TRIM5: variants seen among roughly 807,000 people sequenced by gnomAD.
The protein encoded by TRIM5 is tripartite motif containing 5, also known as tripartite motif-containing protein 5.
TRIM5 carries 31 observed loss-of-function variants against 35.6 expected under a neutral mutation model. That is an observed-to-expected ratio of 0.87 (90% CI 0.65 to 1.18). The LOEUF (loss-of-function observed/expected upper bound fraction) is 1.18. Among genes scored for constraint, TRIM5 ranks in the 50% most tolerant of loss-of-function variants. TRIM5 has a pLI of 0.00. For missense variants in TRIM5, 609 were observed against 591.6 expected (o/e 1.03, Z -0.31); for synonymous variants, 243 against 215.6 (o/e 1.13, Z -1.11).
At chr11:5,645,881 AT>A in the TRIM5 span, 948 of 92,680 alleles carry the variant, frequency 0.01, 11 homozygotes, top group African/African-American at 0.044. Context: ...AAAAAAAAAA[AT>A]ATATATATAT....
chr11:5,682,126 G>A (rs916456270), intron 1 of TRIM5, among the ~76,000 whole-genome samples: 2 of 152,066 alleles, frequency 1.3e-5, no homozygotes, highest in Non-Finnish European at 2.9e-5. Context: ...TTAACCAGAC[G>A]GGTGTGGTGG....
the TRIM5 span, chr11:5,603,185 T>C: frequency 3.2e-6 from 5 of 1,563,778 alleles, no homozygotes; most frequent in Non-Finnish European, 4.3e-6. Context: ...GGGCAGTCAG[T>C]ATTCCCTTAT....
chr11:5,643,396 A>C, the TRIM5 span: 1 of 1,614,146 alleles, frequency 6.2e-7, no homozygotes, highest in African/African-American at 1.3e-5. Flanking sequence ...GCAAATCGTC[A>C]AAATCTTTAC....
chr11:5,610,229 G>A, the TRIM5 span: 24 of 1,614,030 alleles, frequency 1.5e-5, no homozygotes, highest in Non-Finnish European at 1.8e-5. Context: ...TGAAAAGGAT[G>A]CTGCGAGTGT....
chr11:5,607,319 G>A, the TRIM5 span, among the ~76,000 whole-genome samples: 3 of 152,142 alleles, frequency 2.0e-5, no homozygotes, highest in Admixed American at 2.0e-4. Flanking sequence ...CAGTTCCTCA[G>A]TACAGCCACA....
chr11:5,683,474 A>C (rs1590292982), intron 1 of TRIM5, among the ~76,000 whole-genome samples: 1 of 151,962 alleles, frequency 6.6e-6, no homozygotes, highest in South Asian at 2.1e-4. Context: ...GCACCAATCG[A>C]CACTCTATAT....
At chr11:5,677,519 G>A (rs1362208124) in intron 4 of TRIM5, among the ~76,000 whole-genome samples, 1 of 152,212 alleles carries the variant, frequency 6.6e-6, no homozygotes, top group Non-Finnish European at 1.5e-5. Context: ...CTGTAAACTA[G>A]TTCAACCATT....
At chr11:5,658,663 A>C (rs1850710099), downstream of TRIM5, among the ~76,000 whole-genome samples, 1 of 152,142 alleles carries the variant, frequency 6.6e-6, no homozygotes, top group Non-Finnish European at 1.5e-5. Flanking sequence ...AAGGTTTCTA[A>C]TGTTGATCTA....
chr11:5,605,327 G>A, the TRIM5 span: 1 of 1,613,954 alleles, frequency 6.2e-7, no homozygotes, highest in Non-Finnish European at 8.5e-7. Context: ...TTTCTTCCCT[G>A]TTCCTGAAGA....
chr11:5,592,372 T>C, the TRIM5 span, among the ~76,000 whole-genome samples: 1 of 152,156 alleles, frequency 6.6e-6, no homozygotes, highest in East Asian at 1.9e-4. Context: ...ACAATAACTC[T>C]ATGCAGTAGG....
intron 1 of TRIM5, among the ~76,000 whole-genome samples, chr11:5,682,755 T>G (rs1394792333): frequency 6.6e-6 from 1 of 152,222 alleles, no homozygotes; most frequent in Non-Finnish European, 1.5e-5. Flanking sequence ...TTTGTGTGCC[T>G]GGGTTGTATT....
intron 5 of TRIM5, among the ~76,000 whole-genome samples, chr11:5,666,789 C>T (rs1265254722): frequency 6.6e-6 from 1 of 152,218 alleles, no homozygotes; most frequent in Non-Finnish European, 1.5e-5. Context: ...CCTTTTTATG[C>T]TCTTGTAAAG....
intron 1 of TRIM5, among the ~76,000 whole-genome samples, chr11:5,681,593 C>A (rs921534343): frequency 2.0e-5 from 3 of 152,112 alleles, no homozygotes; most frequent in Non-Finnish European, 4.4e-5. Context: ...TGCGGAGTTC[C>A]TTCAGACCCT....
chr11:5,669,234 C>T (rs919947740), intron 4 of TRIM5, among the ~76,000 whole-genome samples: 1 of 152,068 alleles, frequency 6.6e-6, no homozygotes, highest in African/African-American at 2.4e-5. Flanking sequence ...CGTGCGCCAC[C>T]ACGCCTGGCT....
chr11:5,649,311 G>T, the TRIM5 span, among the ~76,000 whole-genome samples: 1 of 152,116 alleles, frequency 6.6e-6, no homozygotes, highest in South Asian at 2.1e-4. Flanking sequence ...CAAGCACCTC[G>T]AGTGATAGCG....
intron 5 of TRIM5, among the ~76,000 whole-genome samples, chr11:5,667,487 C>A (rs1334403627): frequency 6.6e-6 from 1 of 152,194 alleles, no homozygotes; most frequent in Non-Finnish European, 1.5e-5. Flanking sequence ...GCTTGAGCCA[C>A]CACACCTGGC....
At chr11:5,672,421 A>T (rs182614480) in intron 4 of TRIM5, among the ~76,000 whole-genome samples, 7 of 152,168 alleles carry the variant, frequency 4.6e-5, no homozygotes, top group Non-Finnish European at 1.0e-4. Context: ...CATGTTGGCC[A>T]GCTGGTCTTG....
the TRIM5 span, among the ~76,000 whole-genome samples, chr11:5,619,425 G>C: frequency 2.0e-5 from 3 of 152,052 alleles, no homozygotes; most frequent in South Asian, 6.2e-4. Flanking sequence ...TGTTATGGGG[G>C]ATGCTCTGAA....
At chr11:5,642,616 A>G in the TRIM5 span, 2 of 1,430,208 alleles carry the variant, frequency 1.4e-6, no homozygotes, top group South Asian at 2.8e-5. Context: ...GAGGGAGGTC[A>G]GAGAATAAGG....
Sources: allele counts gnomAD v4.1 joint callset (sites outside exome capture counted in the v4.1 genomes callset), GRCh38; gene constraint gnomAD v4.1.1; transcripts MANE v1.5; gene names NCBI Gene and HGNC (gene_info 2026-07-23, HGNC 2026-07-21).